Variants in SARDH observed in about 807,000 individuals in gnomAD.
SARDH encodes sarcosine dehydrogenase, mitochondrial.
In SARDH, 95 loss-of-function variants were observed where a neutral mutation model predicts 109.1. That is an observed-to-expected ratio of 0.87 (90% CI 0.74 to 1.03). The LOEUF is 1.03. SARDH is among the 50% of genes least tolerant of loss of function. The pLI, the probability that SARDH is intolerant of heterozygous loss-of-function variation, is 0.00. For synonymous variants in SARDH, 572 were observed against 534.8 expected (o/e 1.07, Z -0.96); for missense variants, 1,267 against 1,287.8 (o/e 0.98, Z 0.25).
Position 133,694,381 on chromosome 9 carries a change from G to A in SARDH, c.1808-10C>T. The stretch of plus-strand genomic sequence containing the variant: ...GTGTACACGGTGGAGCCTGCGAGAG[G>A]GAGAAGGAAGCCGGGTCTGTGCTGA... On this transcript the variant is annotated splice_polypyrimidine_tract_variant and intron_variant, in intron 14 of 20. Transcript: ENST00000439388. 1 of 1,548,028 alleles carries A rather than the reference G, an allele frequency of 6.5e-7. No individual in the cohort carries two copies. The highest frequency in any genetic ancestry group is 8.7e-7 in the Non-Finnish European group (1 of 1,144,576).
chr9:133,664,487 C>A (rs1268267378), intron 20 of SARDH, among the ~76,000 whole-genome samples: 2 of 152,302 alleles, frequency 1.3e-5, no homozygotes. Flanking sequence ...GGCTCCCCAG[C>A]AAGCGCTCGG....
At chr9:133,673,669 C>T (rs1029547327) in intron 17 of SARDH, among the ~76,000 whole-genome samples, 3 of 152,250 alleles carry the variant, frequency 2.0e-5, no homozygotes, top group Non-Finnish European at 4.4e-5. Flanking sequence ...TTGACATTTC[C>T]CTGCTTCCCT....
At position 133,682,983 on chromosome 9, in the gene SARDH, C is replaced by T. The variant is rs186861123; in HGVS notation, c.2163+2210G>A. 9.2e-5 allele frequency among the ~76,000 whole-genome samples: 14 copies of T among 152,046 alleles called. No individual in the cohort carries two copies. The East Asian group carries it at 1.8e-3, about 19-fold the overall frequency. On this transcript the variant is annotated intron_variant, in intron 17 of 20. Coordinates refer to ENST00000439388, the MANE Select transcript of SARDH (RefSeq NM_001134707.2). The stretch of plus-strand genomic sequence containing the variant: ...GCTTTTTACAACACCAGTGATTTTA[C>T]ACCAATGAGCAGGAGACTGTGGGGA...
intron 13 of SARDH, among the ~76,000 whole-genome samples, chr9:133,701,760 C>A (rs1006617696): frequency 6.6e-6 from 1 of 152,196 alleles, no homozygotes; most frequent in Non-Finnish European, 1.5e-5. Flanking sequence ...CCTGCAGGAG[C>A]CCCCTCTTCC....
In SARDH at chr9:133,728,581, G is replaced by A. The variant is rs1353675674; in HGVS notation, c.915+1184C>T. Among the ~76,000 whole-genome samples, 2 of 152,172 alleles carry A rather than the reference G, an allele frequency of 1.3e-5. No individual in the cohort carries two copies. Among genetic ancestry groups the A allele is most frequent in the Non-Finnish European group, 2.9e-5 (2 of 68,024 alleles). ...AGCCTCCCCTGGTCCACTAGGGCTGGGAATTCCTATAGCCCCTGAGACCCC... is the reference window on the plus strand; with the variant it reads ...AGCCTCCCCTGGTCCACTAGGGCTGAGAATTCCTATAGCCCCTGAGACCCC... On this transcript the variant is annotated intron_variant, in intron 6 of 20. Transcript: ENST00000439388. This position sits in a 1 kb window ranked among gnomAD's most constrained non-coding sequence, Gnocchi z 5.0.
chr9:133,717,406 A>ACATTG lies in SARDH; in HGVS notation c.1069_1070insCAATG (p.Phe357SerfsTer39). On this transcript the variant is annotated frameshift_variant, in exon 8 of 21. Transcript: ENST00000439388. LOFTEE classifies it high-confidence loss of function. ...GATGGCGCCTTCAATGTGCTGGGTG[A>ACATTG]ACACCTCCCAGTCCAGGTCAAAGAG... 6.2e-7 allele frequency: 1 copy of ACATTG among 1,614,110 alleles called. No homozygotes were observed. The highest frequency in any genetic ancestry group is 1.1e-5 in the South Asian group (1 of 91,078).
chr9:133,699,379 A>ACG (rs1831401073), intron 13 of SARDH, among the ~76,000 whole-genome samples: 2 of 151,096 alleles, frequency 1.3e-5, no homozygotes, highest in Non-Finnish European at 3.0e-5. Context: ...GGTGGTGTGC[A>ACG]CCTGTAATCC....
chr9:133,717,509 C>A, intron 7 of SARDH, 54 bp from the exon 8 acceptor site: 1 of 1,604,782 alleles, frequency 6.2e-7, no homozygotes. Context: ...GGCCATGCAT[C>A]CCCATGCCAA....
rs530584135 is a variant in SARDH, at chr9:133,725,470, C to T, written c.915+4295G>A. 339 of 402,810 alleles carry T rather than the reference C, an allele frequency of 8.4e-4. 1 individual carries two copies. Among genetic ancestry groups the T allele is most frequent in the African/African-American group, 6.7e-3 (326 of 48,458 alleles). The allele number at this position is 402,810 out of a possible 1,614,324, so 25.0% of individuals were successfully genotyped here. A position where few individuals can be genotyped will look rare whatever the true frequency, so the allele number is the denominator to read the frequency against. On this transcript the variant is annotated intron_variant, in intron 6 of 20. Transcript: ENST00000439388. ...GGTGGATTGCCTGAGCTCAGGAGTT[C>T]GAGACCAGCCTTGGCAACATGGTGA... is the stretch of plus-strand genomic sequence containing the variant.
chr9:133,684,028 T>C (rs147750083), intron 17 of SARDH, among the ~76,000 whole-genome samples: 1 of 151,150 alleles, frequency 6.6e-6, no homozygotes, highest in East Asian at 1.9e-4. Flanking sequence ...ACATCCGTCA[T>C]GCAGGGCGAC....
chr9:133,679,597 ACT>A (rs961390870), intron 17 of SARDH, among the ~76,000 whole-genome samples: 5 of 152,170 alleles, frequency 3.3e-5, no homozygotes, highest in African/African-American at 1.2e-4. Flanking sequence ...CCGGGAGAGC[ACT>A]GACCCACGGG....
Position 133,704,866 on chromosome 9 carries a change from G to C in SARDH, c.1554+82C>G. The C allele has an allele frequency of 8.2e-7, 1 of 1,226,744 alleles. No individual in the cohort carries two copies. The highest frequency in any genetic ancestry group is 1.2e-6 in the Non-Finnish European group (1 of 857,688). The allele number at this position is 1,226,744 out of a possible 1,614,324, so 76.0% of individuals were successfully genotyped here. A position where few individuals can be genotyped will look rare whatever the true frequency, so the allele number is the denominator to read the frequency against. On this transcript the variant is annotated intron_variant, in intron 12 of 20. Transcript: ENST00000439388. The surrounding 1 kb of genome is among the most constrained non-coding windows in gnomAD (Gnocchi z 4.5). ...CCTGGGGAGGCGGGGCACACGGAGG[G>C]GCAAGGACGGGGCACGTGGAGGGGC...
chr9:133,732,664 G>T (rs1564301743), intron 2 of SARDH, 63 bp from the exon 3 acceptor site: 3 of 1,503,100 alleles, frequency 2.0e-6, no homozygotes, highest in Middle Eastern at 1.8e-4. Flanking sequence ...TCCCCCAGAC[G>T]AATATCAGGG....
At chr9:133,700,967 G>C (rs1350279405) in intron 13 of SARDH, among the ~76,000 whole-genome samples, 1 of 152,184 alleles carries the variant, frequency 6.6e-6, no homozygotes, top group Non-Finnish European at 1.5e-5. Context: ...CAGCTGCCGT[G>C]TGTCGGGAAG....
chr9:133,694,861 G>C (rs973526251), intron 14 of SARDH, among the ~76,000 whole-genome samples: 1 of 152,170 alleles, frequency 6.6e-6, no homozygotes, highest in South Asian at 2.1e-4. Flanking sequence ...AGCAGAAGGG[G>C]GAACAGATGT....
At chr9:133,696,518 C>T (rs1831295438) in intron 13 of SARDH, among the ~76,000 whole-genome samples, 157 bp from the exon 14 acceptor site, 1 of 152,162 alleles carries the variant, frequency 6.6e-6, no homozygotes, top group Non-Finnish European at 1.5e-5. Flanking sequence ...CTCAGGTGCA[C>T]ACTGTGACAC....
chr9:133,680,846 G>A (rs1363479204), intron 17 of SARDH, among the ~76,000 whole-genome samples: 1 of 152,256 alleles, frequency 6.6e-6, no homozygotes, highest in Non-Finnish European at 1.5e-5. Context: ...GGACAAGGAG[G>A]GAGAGGGACG....
chr9:133,723,776 AAAAT>A (rs748688992), intron 6 of SARDH, among the ~76,000 whole-genome samples: 1 of 152,206 alleles, frequency 6.6e-6, no homozygotes, highest in East Asian at 1.9e-4. Context: ...AAAATAAAAT[AAAAT>A]AAATAAACCT....
intron 6 of SARDH, among the ~76,000 whole-genome samples, chr9:133,722,607 C>T (rs1254870012): frequency 1.3e-5 from 2 of 151,476 alleles, no homozygotes; most frequent in Non-Finnish European, 2.9e-5. Flanking sequence ...CTTGTATATA[C>T]AAAATCCTAA....
Sources: gnomAD v4.1 joint callset for allele counts (sites outside exome capture counted in the v4.1 genomes callset) on GRCh38, gnomAD v4.1.1 for gene constraint, Gnocchi (gnomAD v3.1) non-coding constraint, MANE v1.5 for transcripts, NCBI Gene and HGNC (gene_info 2026-07-23, HGNC 2026-07-21) for gene names.